Variants in AHNAK observed in about 807,000 individuals in gnomAD.
AHNAK encodes neuroblast differentiation-associated protein AHNAK.
In AHNAK, 23 loss-of-function variants were observed where a neutral mutation model predicts 37.8. The observed-to-expected ratio is 0.61, with a 90% CI of 0.44 to 0.86. The LOEUF (loss-of-function observed/expected upper bound fraction) is 0.86, where lower values mean the gene tolerates loss of function less well. Ranked by LOEUF, AHNAK falls within the 40% of genes least tolerant of loss-of-function variation. AHNAK has a pLI of 0.00. For missense variants in AHNAK, 7,411 were observed against 7,319.4 expected (o/e 1.01, Z -0.46); for synonymous variants, 2,481 against 2,636.3 (o/e 0.94, Z 1.80).
At chr11:62,491,630 C>A (rs1451347318) in intron 5 of AHNAK, 1 of 1,129,450 alleles carries the variant, frequency 8.9e-7, no homozygotes, top group African/African-American at 1.5e-5. Flanking sequence ...TATCCTTCCA[C>A]GTGTGGCTTC....
chr11:62,544,887 T>C (rs919717496), intron 1 of AHNAK, among the ~76,000 whole-genome samples: 1 of 152,170 alleles, frequency 6.6e-6, no homozygotes, highest in Admixed American at 6.5e-5. Context: ...AGCCCCTCAC[T>C]GTATTCCACA....
chr11:62,450,185 C>T (rs1243943941), intron 5 of AHNAK, among the ~76,000 whole-genome samples: 1 of 150,610 alleles, frequency 6.6e-6, no homozygotes, highest in Non-Finnish European at 1.5e-5. Context: ...GACAGAGTTT[C>T]ACTCTTGTCA....
chr11:62,512,074 C>T (rs1053490967), downstream of AHNAK, among the ~76,000 whole-genome samples: 1 of 152,180 alleles, frequency 6.6e-6, no homozygotes, highest in Admixed American at 6.5e-5. This position sits in a 1 kb window ranked among gnomAD's most constrained non-coding sequence, Gnocchi z 4.0. Context: ...CTCAAACTCC[C>T]GAGCCCAGGC....
chr11:62,477,841 T>C (rs954264978), intron 5 of AHNAK, among the ~76,000 whole-genome samples: 9 of 150,574 alleles, frequency 6.0e-5, no homozygotes, highest in Admixed American at 6.0e-4. Context: ...GGGATCCCAG[T>C]CAAGCCCTGG....
In AHNAK at chr11:62,527,190, G is replaced by A. The variant is rs371432667; in HGVS notation, c.7227C>T (p.Pro2409=). 51 of 1,610,700 alleles carry A rather than the reference G, an allele frequency of 3.2e-5. No homozygotes were observed. The highest frequency in any genetic ancestry group is 4.2e-5 in the Non-Finnish European group (49 of 1,178,636). ...KAKGEVDVDV[P]KLEGDLKGPH... is the part of the protein sequence containing the mutation. ...GCCCTTTAAGGTCCCCTTCCAATTT[G>A]GGAACATCTACATCCACCTCTCCTT... The change falls in exon 5 of 5, where the codon CCC becomes CCT. Residue 2409 remains proline, a synonymous_variant. Transcript: ENST00000378024.
At chr11:62,462,692 C>T (rs1938818365) in intron 5 of AHNAK, among the ~76,000 whole-genome samples, 1 of 152,168 alleles carries the variant, frequency 6.6e-6, no homozygotes, top group African/African-American at 2.4e-5. Flanking sequence ...TCTAAAATCG[C>T]CCAGAAAATG....
In AHNAK at chr11:62,530,529, A is replaced by C. The variant is rs1940697693; in HGVS notation, c.3888T>G (p.Asp1296Glu). The change falls in exon 5 of 5, where the codon GAT becomes GAG. Residue 1296 changes from aspartate to glutamate, a missense_variant. By Grantham distance (45) the Asp-to-Glu change is conservative (BLOSUM62 2). Transcript: ENST00000378024. ...TTCCTTCCGGGCCCTCAAGGCTCAC[A>C]TCTGGGACTTCAACATCCACCTTGG... ...SGPKVDVEVP[D>E]VSLEGPEGKL... 4 of 1,609,890 alleles carry C rather than the reference A, an allele frequency of 2.5e-6. No individual in the cohort carries two copies. The Admixed American group carries it at 5.0e-5, about 20-fold the overall frequency.
rs1261584978 is a variant in AHNAK at position 62,522,897 on chromosome 11, C to T, written c.11520G>A (p.Val3840=). The T allele has an allele frequency of 1.2e-6, 2 of 1,613,196 alleles. No homozygotes were observed. Among genetic ancestry groups the T allele is most frequent in the East Asian group, 2.2e-5 (1 of 44,810 alleles). The part of the protein sequence containing the change: ...KADLDVSGPK[V]DIDVPDVNIE... The stretch of plus-strand genomic sequence containing the variant: ...TATTCACATCTGGAACATCAATGTC[C>T]ACCTTGGGTCCTGAGACATCAAGGT... Residue 3840 remains valine, a synonymous_variant, in exon 5 of 5, where the codon GTG becomes GTA. Coordinates refer to ENST00000378024, the MANE Select transcript of AHNAK (RefSeq NM_001620.3).
intron 1 of AHNAK, among the ~76,000 whole-genome samples, chr11:62,544,280 T>A (rs1941233784): frequency 6.6e-6 from 1 of 152,118 alleles, no homozygotes; most frequent in South Asian, 2.1e-4. Context: ...GTCCCACCCC[T>A]GGCCCTGGAC....
At chr11:62,482,407 T>G (rs545479599) in intron 5 of AHNAK, among the ~76,000 whole-genome samples, 108 of 25,046 alleles carry the variant, frequency 4.3e-3, no homozygotes, top group South Asian at 0.023. Context: ...AGAGCGAGAC[T>G]GTCTCAAAAA....
chr11:62,469,556 C>T (rs927426124), intron 5 of AHNAK, among the ~76,000 whole-genome samples: 2 of 152,086 alleles, frequency 1.3e-5, no homozygotes, highest in Admixed American at 1.3e-4. Flanking sequence ...CCTCCGCCTC[C>T]CAGGTTCAAG....
intron 4 of AHNAK, among the ~76,000 whole-genome samples, chr11:62,497,228 G>T (rs2134171106): frequency 6.6e-6 from 1 of 152,310 alleles, no homozygotes; most frequent in East Asian, 1.9e-4. Flanking sequence ...GAATCCAAAG[G>T]CCAGTGCACC....
In AHNAK at chr11:62,525,091, A is replaced by G. The variant is rs1940424379; in HGVS notation, c.9326T>C (p.Met3109Thr). The G allele has an allele frequency of 6.2e-7, 1 of 1,613,856 alleles. No individual in the cohort carries two copies. The highest frequency in any genetic ancestry group is 1.1e-5 in the South Asian group (1 of 91,066). The change falls in exon 5 of 5, where the codon ATG (methionine) becomes ACG (threonine). Residue 3109 changes from methionine (M) to threonine (T), a missense_variant. Coordinates refer to ENST00000378024, the MANE Select transcript of AHNAK (RefSeq NM_001620.3). ...NLKGPKVKGD[M>T]DVSLPKVEGD... ...TTCCACTTTTGGCAGAGACACATCC[A>G]TGTCACCCTTCACTTTGGGACCTTT...
At chr11:62,505,040 CT>C (rs577657748) in intron 4 of AHNAK, among the ~76,000 whole-genome samples, 11 of 152,146 alleles carry the variant, frequency 7.2e-5, no homozygotes, top group Non-Finnish European at 1.5e-4. Flanking sequence ...GGGTACAAAG[CT>C]GTCATTTGAA....
intron 4 of AHNAK, among the ~76,000 whole-genome samples, chr11:62,503,240 A>C (rs1939744444): frequency 6.6e-6 from 1 of 152,212 alleles, no homozygotes; most frequent in Non-Finnish European, 1.5e-5. Flanking sequence ...AGGCATGGCA[A>C]GTAAGCCTCA....
chr11:62,475,378 G>A (rs1939122567), intron 5 of AHNAK, among the ~76,000 whole-genome samples: 1 of 152,108 alleles, frequency 6.6e-6, no homozygotes, highest in African/African-American at 2.4e-5. Context: ...GTGGATGGAG[G>A]TGGAGGCCAT....
Position 62,531,350 on chromosome 11 carries a change from A to G in AHNAK, c.3067T>C (p.Ser1023Pro), listed in dbSNP as rs902253214. Reference protein sequence around the residue: ...GEGPEFDVNLSKANVDISAPK... With the variant: ...GEGPEFDVNLPKANVDISAPK... ...GCAGAAATGTCCACATTCGCTTTGGACAGGTTCACATCAAATTCTGGCCCC... is the reference window on the plus strand; with the variant it reads ...GCAGAAATGTCCACATTCGCTTTGGGCAGGTTCACATCAAATTCTGGCCCC... The change falls in exon 5 of 5, where the codon TCC becomes CCC. Residue 1023 changes from serine (S) to proline (P), a missense_variant. Physicochemically the swap from Ser to Pro is moderately conservative, Grantham distance 74. Transcript: ENST00000378024. The G allele has an allele frequency of 1.9e-6, 3 of 1,608,756 alleles. No individual in the cohort carries two copies. The highest frequency in any genetic ancestry group is 2.5e-6 in the Non-Finnish European group (3 of 1,178,350).
In AHNAK at chr11:62,523,552, A is replaced by T. The variant is rs1940353118; in HGVS notation, c.10865T>A (p.Val3622Asp). 1.2e-6 allele frequency: 2 copies of T among 1,613,818 alleles called. No homozygotes were observed. The highest frequency in any genetic ancestry group is 1.7e-6 in the Non-Finnish European group (2 of 1,179,976). ...MPGFKGEGPEVDVTLPKADID... is the reference protein window; with the variant it reads ...MPGFKGEGPEDDVTLPKADID... ...GTCAGCTTTAGGGAGGGTAACATCG[A>T]CTTCAGGGCCTTCTCCTTTGAAGCC... The change falls in exon 5 of 5, where the codon GTC becomes GAC. Residue 3622 changes from valine to aspartate, a missense_variant. Coordinates refer to ENST00000378024, the MANE Select transcript of AHNAK (RefSeq NM_001620.3).
rs144428049 is a variant in AHNAK at position 62,446,708 on chromosome 11, C to A, written c.443-12817G>T. On this transcript the variant is annotated intron_variant, in intron 5 of 5. Transcript: ENST00000257247. ...CTGTCTCAAAAGGCACCAGAATCTT[C>A]TCAGAAAAGCCTTCCTGCTTGATCC... Among the ~76,000 whole-genome samples the A allele has an allele frequency of 3.4e-3, 513 of 152,080 alleles. 2 individuals carry two copies. Among genetic ancestry groups the A allele is most frequent in the Non-Finnish European group, 4.6e-3 (312 of 68,008 alleles).
Sources: gnomAD v4.1 joint callset for allele counts (sites outside exome capture counted in the v4.1 genomes callset) on GRCh38, gnomAD v4.1.1 for gene constraint, Gnocchi (gnomAD v3.1) non-coding constraint, MANE v1.5 for transcripts, NCBI Gene and HGNC (gene_info 2026-07-23, HGNC 2026-07-21) for gene names.